The following NEK11 variants were observed in gnomAD, a reference collection of about 807,000 sequenced individuals.
The protein encoded by NEK11 is serine/threonine-protein kinase Nek11.
Under a neutral mutation model 80.7 loss-of-function variants are expected in NEK11, and 72 were observed. The ratio of observed to expected loss-of-function variants is 0.89; its 90% CI spans 0.74 to 1.08. NEK11 has a LOEUF of 1.08. Among genes scored for constraint, NEK11 ranks in the 50% least tolerant of loss-of-function variants. The probability of loss-of-function intolerance (pLI) is 0.00; values close to 1 mark genes in which losing one functional copy is unlikely to be tolerated. For missense variants in NEK11, 764 were observed against 763.6 expected (o/e 1.00, Z -0.01); for synonymous variants, 251 against 260.7 (o/e 0.96, Z 0.36).
chr3:131,148,570 A>C (rs939080372), intron 7 of NEK11, among the ~76,000 whole-genome samples: 1 of 151,946 alleles, frequency 6.6e-6, no homozygotes, highest in Non-Finnish European at 1.5e-5. Context: ...GTTGTGCTGA[A>C]AATACATTGG....
intron 14 of NEK11, among the ~76,000 whole-genome samples, chr3:131,196,854 T>A (rs1191626180): frequency 1.3e-5 from 2 of 151,634 alleles, no homozygotes; most frequent in Non-Finnish European, 2.9e-5. Flanking sequence ...TTCTTTTTTT[T>A]TTTTTTTGCT....
At chr3:131,240,899 A>C (rs1440594092) in intron 15 of NEK11, among the ~76,000 whole-genome samples, 1 of 152,074 alleles carries the variant, frequency 6.6e-6, no homozygotes, top group Non-Finnish European at 1.5e-5. Context: ...TCCTGTGAAG[A>C]CCCCATCTGA....
intron 17 of NEK11, among the ~76,000 whole-genome samples, chr3:131,302,427 T>C (rs113091583): frequency 0.015 from 2,270 of 152,314 alleles, 55 homozygotes; most frequent in African/African-American, 0.052. Context: ...GTTTTTCTAA[T>C]TCTTGTAGTT....
At chr3:131,169,045 AG>A (rs2092488729) in intron 13 of NEK11, 108 bp downstream of exon 13, 4 of 715,876 alleles carry the variant, frequency 5.6e-6, no homozygotes, top group Middle Eastern at 2.5e-4. Flanking sequence ...AGGAGCCTGA[AG>A]GGTTTTAAAT....
At chr3:131,132,837 A>G (rs775074730) in intron 6 of NEK11, 28 bp downstream of exon 6, 1 of 1,064,952 alleles carries the variant, frequency 9.4e-7, no homozygotes, top group Non-Finnish European at 1.4e-6. Context: ...ATGAATTCCA[A>G]AAACGCAGAA....
At chr3:131,044,697 A>G (rs1233113371) in intron 3 of NEK11, among the ~76,000 whole-genome samples, 1 of 152,104 alleles carries the variant, frequency 6.6e-6, no homozygotes, top group Non-Finnish European at 1.5e-5. Flanking sequence ...CCCACTGTCA[A>G]TATTAGACAG....
At chr3:131,165,694 C>A (rs1425494555) in intron 12 of NEK11, among the ~76,000 whole-genome samples, 175 bp downstream of exon 12, 1 of 152,122 alleles carries the variant, frequency 6.6e-6, no homozygotes, top group East Asian at 1.9e-4. Flanking sequence ...CGATTCAAAG[C>A]GGCTGTAGCG....
At chr3:131,217,281 GT>G (rs140835649) in intron 14 of NEK11, among the ~76,000 whole-genome samples, 1 of 152,002 alleles carries the variant, frequency 6.6e-6, no homozygotes, top group African/African-American at 2.4e-5. Context: ...AGAAGAGTCA[GT>G]TTTTTTTCTT....
intron 3 of NEK11, among the ~76,000 whole-genome samples, chr3:131,062,155 T>C (rs6782891): frequency 0.18 from 28,026 of 152,182 alleles, 2,676 homozygotes; most frequent in Non-Finnish European, 0.21. Flanking sequence ...CAACATTCCC[T>C]ATACCAAGGA....
intron 17 of NEK11, chr3:131,329,718 CAT>C (rs1308447938): frequency 2.0e-5 from 3 of 152,154 alleles, no homozygotes; most frequent in Admixed American, 6.5e-5. Flanking sequence ...AGGAGAGAAA[CAT>C]ATGAATATCC....
rs550198623 is a variant in NEK11 at position 131,251,268 on chromosome 3, G to A, written c.1621+7772G>A. Among the ~76,000 whole-genome samples the A allele has an allele frequency of 1.0e-4, 15 of 150,724 alleles. No homozygotes were observed. In the South Asian group the frequency reaches 3.1e-3, roughly 32 times the overall value. On this transcript the variant is annotated intron_variant, in intron 16 of 17. Coordinates refer to ENST00000383366, the MANE Select transcript of NEK11 (RefSeq NM_024800.5). ...TTTGGAGACTGGAACTTGAAGGTGA[G>A]GCAGGAAGCTTTCTTGTTTTTAACA...
At chr3:131,259,739 C>CA (rs2095878593) in intron 16 of NEK11, among the ~76,000 whole-genome samples, 1 of 152,094 alleles carries the variant, frequency 6.6e-6, no homozygotes, top group African/African-American at 2.4e-5. Context: ...TTAAAGGTTG[C>CA]TACTTGGAGG....
intron 16 of NEK11, among the ~76,000 whole-genome samples, chr3:131,270,075 G>A (rs116558798): frequency 0.022 from 3,298 of 152,242 alleles, 98 homozygotes; most frequent in African/African-American, 0.073. Flanking sequence ...AAGGGTTGCC[G>A]TGAGGTAAGA....
At position 131,152,499 on chromosome 3, in the gene NEK11, T is replaced by C; in HGVS notation, c.759T>C (p.Pro253=). 1 of 1,613,256 alleles carries C rather than the reference T, an allele frequency of 6.2e-7. No homozygotes were observed. Among genetic ancestry groups the C allele is most frequent in the Non-Finnish European group, 8.5e-7 (1 of 1,179,322 alleles). The change falls in exon 8 of 18, where the codon CCT becomes CCC. Residue 253 remains proline (P), a synonymous_variant. Transcript: ENST00000383366. ...KIVEGDTPSL[P]ERYPKELNAI... is the part of the protein sequence containing the mutation. Reference sequence around the variant, plus strand: ...TTGAAGGTGACACACCTTCTCTCCCTGAGAGATATCCAAAAGAACTAAATG... The same window carrying C: ...TTGAAGGTGACACACCTTCTCTCCCCGAGAGATATCCAAAAGAACTAAATG...
At chr3:131,233,724 T>C (rs191267504) in intron 15 of NEK11, among the ~76,000 whole-genome samples, 1 of 152,352 alleles carries the variant, frequency 6.6e-6, no homozygotes, top group Admixed American at 6.5e-5. Flanking sequence ...TGAATTATTG[T>C]TGTAGACTTC....
intron 14 of NEK11, among the ~76,000 whole-genome samples, chr3:131,222,196 T>C (rs1203990674): frequency 6.6e-6 from 1 of 152,180 alleles, no homozygotes; most frequent in Non-Finnish European, 1.5e-5. Context: ...AATAGACTTA[T>C]TCAGTGAAAG....
chr3:131,056,696 G>A (rs1347058758), intron 3 of NEK11, among the ~76,000 whole-genome samples: 1 of 152,080 alleles, frequency 6.6e-6, no homozygotes, highest in Non-Finnish European at 1.5e-5. Context: ...GTTCTCTATG[G>A]TTCTAGTGGA....
intron 14 of NEK11, among the ~76,000 whole-genome samples, chr3:131,205,456 G>A (rs1560958557): frequency 6.6e-6 from 1 of 152,146 alleles, no homozygotes; most frequent in South Asian, 2.1e-4. Context: ...CAGTATAGCA[G>A]TTGCTATCAG....
chr3:131,134,547 C>G (rs1163651009), intron 7 of NEK11, among the ~76,000 whole-genome samples: 1 of 151,930 alleles, frequency 6.6e-6, no homozygotes, highest in South Asian at 2.1e-4. Flanking sequence ...ACTACAGGCT[C>G]CCACCACCAC....
Sources: allele counts gnomAD v4.1 joint callset (sites outside exome capture counted in the v4.1 genomes callset), GRCh38; gene constraint gnomAD v4.1.1; transcripts MANE v1.5; gene names NCBI Gene and HGNC (gene_info 2026-07-23, HGNC 2026-07-21).